Variants in RELN observed in about 807,000 individuals in gnomAD.
RELN encodes the protein reelin.
A neutral mutation model predicts 427.6 loss-of-function variants in RELN; 108 were observed. That is an observed-to-expected ratio of 0.25 (90% CI 0.22 to 0.30). RELN has a LOEUF of 0.30. Ranked by LOEUF, RELN falls within the 10% of genes least tolerant of loss-of-function variation. The pLI is 1.00. For synonymous variants in RELN, 1,524 were observed against 1,513.4 expected (o/e 1.01, Z -0.16); for missense variants, 3,715 against 4,302.8 (o/e 0.86, Z 3.82).
rs1383880137 is a variant in RELN, at chr7:103,574,160, T to C, written c.4443A>G (p.Lys1481=). Residue 1481 remains lysine (K), a synonymous_variant, in exon 30 of 65, where the codon AAA becomes AAG. Coordinates refer to ENST00000428762, the MANE Select transcript of RELN (RefSeq NM_005045.4). ...TCCCAGGGCCATTGAAGTAGAGAGA[T>C]TTGCCATCGTTAAGTGTTCCACAGC... ...GTGCGTLNDG[K]SLYFNGPGKR... is the part of the protein sequence containing the mutation. 1.2e-6 allele frequency: 2 copies of C among 1,614,102 alleles called. No individual in the cohort carries two copies. The highest frequency in any genetic ancestry group is 1.7e-6 in the Non-Finnish European group (2 of 1,180,008).
Position 103,530,006 on chromosome 7 carries a change from T to G in RELN, c.7349+5310A>C, listed in dbSNP as rs71558642. 4.0e-3 allele frequency among the ~76,000 whole-genome samples: 615 copies of G among 152,274 alleles called. 4 individuals carry two copies. The highest frequency in any genetic ancestry group is 7.0e-3 in the Non-Finnish European group (473 of 68,022). ...CCTTGCTGGCCATTTCTGCTCCTTC[T>G]GCTATTAAATTTAGGAGTCCTCTCT... is the stretch of plus-strand genomic sequence containing the variant. On this transcript the variant is annotated intron_variant, in intron 46 of 64. Transcript: ENST00000428762.
intron 1 of RELN, among the ~76,000 whole-genome samples, chr7:103,960,577 G>A (rs1016725821): frequency 2.0e-5 from 3 of 152,228 alleles, no homozygotes; most frequent in Admixed American, 6.5e-5. Context: ...ATATTTGACA[G>A]GTAAATGAGT....
intron 8 of RELN, among the ~76,000 whole-genome samples, chr7:103,711,466 T>C (rs1350536611): frequency 6.6e-6 from 1 of 152,168 alleles, no homozygotes; most frequent in Non-Finnish European, 1.5e-5. Flanking sequence ...CCACTTTGCT[T>C]AGCACGGCAC....
chr7:103,963,849 T>G (rs919856667), intron 1 of RELN, among the ~76,000 whole-genome samples: 1 of 152,208 alleles, frequency 6.6e-6, no homozygotes. Flanking sequence ...AAGTTGCAGA[T>G]AGAGGACTCT....
At chr7:103,906,611 T>C (rs1795211885) in intron 2 of RELN, among the ~76,000 whole-genome samples, 1 of 152,122 alleles carries the variant, frequency 6.6e-6, no homozygotes, top group Non-Finnish European at 1.5e-5. Context: ...AGCTCCTGAA[T>C]GTTTACTTGT....
intron 2 of RELN, among the ~76,000 whole-genome samples, chr7:103,911,319 AG>A (rs1795360503): frequency 6.6e-6 from 1 of 150,828 alleles, no homozygotes; most frequent in Non-Finnish European, 1.5e-5. Flanking sequence ...ATCTCACACC[AG>A]TGAGAATGGC....
At chr7:103,643,932 A>G (rs1424583050) in intron 16 of RELN, among the ~76,000 whole-genome samples, 1 of 151,960 alleles carries the variant, frequency 6.6e-6, no homozygotes, top group Non-Finnish European at 1.5e-5. Flanking sequence ...GAGTAGGTTG[A>G]AAATTATTGC....
At chr7:103,552,050 C>G (rs561066431) in intron 40 of RELN, among the ~76,000 whole-genome samples, 10 of 151,954 alleles carry the variant, frequency 6.6e-5, no homozygotes, top group African/African-American at 2.4e-4. Context: ...GATCTCTAGA[C>G]GTACTCATCC....
At chr7:103,583,676 A>C (rs2711875) in intron 28 of RELN, among the ~76,000 whole-genome samples, 115,124 of 152,028 alleles carry the variant, frequency 0.76, 44,101 homozygotes, top group African/African-American at 0.87. Flanking sequence ...TACTAAAGAC[A>C]AACAGAGAAC....
At position 103,682,100 on chromosome 7, in the gene RELN, G is replaced by A. The variant is rs763451322; in HGVS notation, c.1289+16C>T. The A allele has an allele frequency of 1.9e-6, 3 of 1,611,184 alleles. No homozygotes were observed. The highest frequency in any genetic ancestry group is 2.2e-5 in the East Asian group (1 of 44,836). On this transcript the variant is annotated intron_variant, in intron 11 of 64. Transcript: ENST00000428762. ...TAAGTGCTACATACACAGCATGGGA[G>A]ATAGCAATTACTTACCCTGTAGGCT... is the stretch of plus-strand genomic sequence containing the variant.
intron 24 of RELN, among the ~76,000 whole-genome samples, chr7:103,597,818 G>A (rs1831573082): frequency 6.6e-6 from 1 of 152,164 alleles, no homozygotes; most frequent in Admixed American, 6.5e-5. Flanking sequence ...CTGTGGTGAG[G>A]TGTCAGACAG....
At chr7:103,672,085 T>C (rs997554445) in intron 11 of RELN, among the ~76,000 whole-genome samples, 1 of 152,192 alleles carries the variant, frequency 6.6e-6, no homozygotes, top group Non-Finnish European at 1.5e-5. Flanking sequence ...GAAAATAAGA[T>C]GCTTAAACTG....
chr7:103,566,503 A>G, intron 32 of RELN, 91 bp from the exon 33 acceptor site: 1 of 1,592,162 alleles, frequency 6.3e-7, no homozygotes, highest in East Asian at 2.2e-5. Context: ...CAAATTGTCT[A>G]GAAATTGACA....
intron 2 of RELN, among the ~76,000 whole-genome samples, chr7:103,887,873 T>C (rs561072513): frequency 1.3e-5 from 2 of 151,988 alleles, no homozygotes; most frequent in Admixed American, 1.3e-4. Context: ...TTCAGAAGAG[T>C]TCTAGGAAGA....
intron 10 of RELN, among the ~76,000 whole-genome samples, chr7:103,688,622 T>TC (rs1459641843): frequency 6.6e-6 from 1 of 151,850 alleles, no homozygotes; most frequent in African/African-American, 2.4e-5. Flanking sequence ...ACAAATTACA[T>TC]TTTTTTTCAT....
chr7:103,629,759 A>G (rs548705395), intron 20 of RELN, among the ~76,000 whole-genome samples, 181 bp downstream of exon 20: 104 of 152,328 alleles, frequency 6.8e-4, no homozygotes, highest in African/African-American at 2.5e-3. Flanking sequence ...ACTTGTAGAC[A>G]AACAAGTAGG....
Position 103,742,614 on chromosome 7 carries a change from C to T in RELN, c.656+6812G>A, listed in dbSNP as rs574032307. On this transcript the variant is annotated intron_variant, in intron 6 of 64. Coordinates refer to ENST00000428762, the MANE Select transcript of RELN (RefSeq NM_005045.4). ...AAACCAAGGCACGAGAGCTACATGA[C>T]GAATGCAGAAGCCTCAGTAGCCAAT... is the stretch of plus-strand genomic sequence containing the variant. Among the ~76,000 whole-genome samples, 50 of 152,096 alleles carry T rather than the reference C, an allele frequency of 3.3e-4. No homozygotes were observed. The East Asian group carries it at 7.5e-3, about 23-fold the overall frequency.
rs751836602 is a variant in RELN at position 103,540,393 on chromosome 7, G to A, written c.6734C>T (p.Pro2245Leu). 18 of 1,613,978 alleles carry A rather than the reference G, an allele frequency of 1.1e-5. No homozygotes were observed. Among genetic ancestry groups the A allele is most frequent in the Non-Finnish European group, 1.5e-5 (18 of 1,179,912 alleles). ...GKGVPDPRSQ[P>L]VLLQYSLNGG... Reference sequence around the variant, plus strand: ...GTTGAGAGAATACTGTAGGAGCACGGGTTGACTCCTGGGGTCAGGAACGCC... The same window carrying A: ...GTTGAGAGAATACTGTAGGAGCACGAGTTGACTCCTGGGGTCAGGAACGCC... Residue 2245 changes from proline (P) to leucine (L), a missense_variant, in exon 44 of 65, where the codon CCC (proline) becomes CTC (leucine). Around this residue, in one of 4 missense-constraint regions of RELN, gnomAD observed 1,310 missense variants for 1,643.0 expected, o/e 0.80. Transcript: ENST00000428762.
intron 2 of RELN, among the ~76,000 whole-genome samples, chr7:103,848,520 C>T (rs995608916): frequency 2.6e-5 from 4 of 152,074 alleles, no homozygotes; most frequent in African/African-American, 9.7e-5. Context: ...GAACTTTCAC[C>T]GCAGTTATTC....
Sources: gnomAD v4.1 joint callset for allele counts (sites outside exome capture counted in the v4.1 genomes callset) on GRCh38, gnomAD v4.1.1 for gene constraint, gnomAD v4.1.1 regional missense constraint, MANE v1.5 for transcripts, NCBI Gene and HGNC (gene_info 2026-07-23, HGNC 2026-07-21) for gene names.